Variants in VEGFC observed in about 807,000 individuals in gnomAD.
The protein encoded by VEGFC is vascular endothelial growth factor C.
In VEGFC, 12 loss-of-function variants were observed where a neutral mutation model predicts 46.1. The observed-to-expected ratio is 0.26, with a 90% confidence interval of 0.17 to 0.42. The LOEUF (loss-of-function observed/expected upper bound fraction) is 0.42. Ranked by LOEUF, VEGFC falls within the 10% of genes least tolerant of loss-of-function variation. VEGFC has a pLI of 1.00. For missense variants in VEGFC, 488 were observed against 529.4 expected (o/e 0.92, Z 0.77); for synonymous variants, 232 against 195.5 (o/e 1.19, Z -1.56).
chr4:176,707,509 C>T (rs542464764), intron 4 of VEGFC, among the ~76,000 whole-genome samples: 2 of 151,908 alleles, frequency 1.3e-5, no homozygotes, highest in African/African-American at 4.8e-5. Context: ...CAAAGAAAAA[C>T]AGAATAGAAA....
In VEGFC at chr4:176,683,687, G is replaced by C; in HGVS notation, c.*239C>G. ...TAAATTATATAGTCATTCTTTTAAA[G>C]AAATCACAAGAGGAAAATCTTGGCT... On this transcript the variant is annotated 3_prime_UTR_variant, in exon 7 of 7. Coordinates refer to ENST00000618562, the MANE Select transcript of VEGFC (RefSeq NM_005429.5). 1 of 336,862 alleles carries C rather than the reference G, an allele frequency of 3.0e-6. No individual in the cohort carries two copies. Among genetic ancestry groups the C allele is most frequent in the Non-Finnish European group, 5.3e-6 (1 of 187,044 alleles). The allele number at this position is 336,862 out of a possible 1,614,324, so 20.9% of individuals were successfully genotyped here.
chr4:176,711,506 G>A lies in VEGFC; in HGVS notation c.697C>T (p.Leu233=), dbSNP rs772765057. Residue 233 remains leucine (L), a synonymous_variant, in exon 4 of 7, where the codon CTA becomes TTA. Coordinates refer to ENST00000618562, the MANE Select transcript of VEGFC (RefSeq NM_005429.5). ...GATTTAATTCATACTCACTGTGGTAGTGTTGCTGGCAGGGAACGTCTAATA... is the reference window on the plus strand; with the variant it reads ...GATTTAATTCATACTCACTGTGGTAATGTTGCTGGCAGGGAACGTCTAATA... ...SIIRRSLPAT[L]PQCQAANKTC... 5.6e-6 allele frequency: 9 copies of A among 1,612,326 alleles called. No homozygotes were observed. Among genetic ancestry groups the A allele is most frequent in the Non-Finnish European group, 7.6e-6 (9 of 1,179,138 alleles).
At chr4:176,691,957 C>T (rs1245723378) in intron 4 of VEGFC, among the ~76,000 whole-genome samples, 4 of 152,106 alleles carry the variant, frequency 2.6e-5, no homozygotes, top group South Asian at 2.1e-4. Flanking sequence ...GTGCGCGAGC[C>T]GAAGCAGGGC....
Position 176,777,918 on chromosome 4 carries a change from C to CAAAAAA in VEGFC, c.147+14241_147+14246dup, listed in dbSNP as rs773634012. Reference sequence around the variant, plus strand: ...TGGGCGACAGAGCAAGACTTTGTCTCAAAAAAAAAAAAAAAAAAAAAAAAA... The same window carrying CAAAAAA: ...TGGGCGACAGAGCAAGACTTTGTCTCAAAAAAAAAAAAAAAAAAAAAAAAAAAAAAA... On this transcript the variant is annotated intron_variant, in intron 1 of 6. Coordinates refer to ENST00000618562, the MANE Select transcript of VEGFC (RefSeq NM_005429.5). 1.3e-3 allele frequency among the ~76,000 whole-genome samples: 74 copies of CAAAAAA among 57,170 alleles called. 2 individuals are homozygous for CAAAAAA. The highest frequency in any genetic ancestry group is 4.2e-3 in the African/African-American group (67 of 15,772). The allele number at this position is 57,170 out of a possible 152,430, so 37.5% of individuals were successfully genotyped here. A position where few individuals can be genotyped will look rare whatever the true frequency, so the allele number is the denominator to read the frequency against.
chr4:176,746,977 T>C (rs1302998626), intron 1 of VEGFC, among the ~76,000 whole-genome samples: 1 of 152,144 alleles, frequency 6.6e-6, no homozygotes, highest in Non-Finnish European at 1.5e-5. Flanking sequence ...TTTAAGAATA[T>C]GCAGATAGGG....
intron 1 of VEGFC, among the ~76,000 whole-genome samples, chr4:176,746,263 G>A (rs534233222): frequency 6.0e-4 from 91 of 152,142 alleles, no homozygotes; most frequent in African/African-American, 2.1e-3. Flanking sequence ...TCCAGGGGTA[G>A]AGAAAATTAA....
chr4:176,745,556 T>C (rs1735246729), intron 1 of VEGFC, among the ~76,000 whole-genome samples: 1 of 152,022 alleles, frequency 6.6e-6, no homozygotes, highest in African/African-American at 2.4e-5. Context: ...CTACCAACAA[T>C]TCATGGGAAA....
At chr4:176,762,415 C>A (rs904572619) in intron 1 of VEGFC, among the ~76,000 whole-genome samples, 1 of 152,188 alleles carries the variant, frequency 6.6e-6, no homozygotes, top group Non-Finnish European at 1.5e-5. Flanking sequence ...CCAGAGGACG[C>A]AGCCTTCAAA....
rs768183868 is a variant in VEGFC at position 176,687,868 on chromosome 4, C to T, written c.764G>A (p.Arg255Lys). Reference sequence around the variant, plus strand: ...CATAAAATCTTCCTGAGCCAGGCATCTGCAGATGTGATTATTCCACATGTA... The same window carrying T: ...CATAAAATCTTCCTGAGCCAGGCATTTGCAGATGTGATTATTCCACATGTA... ...TNYMWNNHIC[R>K]CLAQEDFMFS... Residue 255 changes from arginine (R) to lysine (K), a missense_variant, in exon 5 of 7, where the codon AGA becomes AAA. Arg to Lys is a conservative substitution (Grantham distance 26). Coordinates refer to ENST00000618562, the MANE Select transcript of VEGFC (RefSeq NM_005429.5). The T allele has an allele frequency of 9.3e-6, 15 of 1,613,790 alleles. No homozygotes were observed. In the South Asian group the frequency reaches 1.2e-4, roughly 13 times the overall value.
intron 3 of VEGFC, among the ~76,000 whole-genome samples, chr4:176,717,810 C>T (rs181322424): frequency 2.0e-5 from 3 of 152,052 alleles, no homozygotes; most frequent in East Asian, 1.9e-4. Context: ...AAAACTACAA[C>T]GAATTTAAAG....
At chr4:176,686,990 C>T (rs1734052956) in intron 6 of VEGFC, among the ~76,000 whole-genome samples, 197 bp downstream of exon 6, 1 of 152,102 alleles carries the variant, frequency 6.6e-6, no homozygotes, top group Non-Finnish European at 1.5e-5. Context: ...ATCCTCAAGG[C>T]TCCTGTCTTG....
intron 6 of VEGFC, among the ~76,000 whole-genome samples, chr4:176,686,026 T>C (rs1371835620): frequency 6.6e-6 from 1 of 152,186 alleles, no homozygotes; most frequent in Non-Finnish European, 1.5e-5. Context: ...TACAAGCTTT[T>C]TTCTGTTAAA....
chr4:176,724,882 G>C (rs1355394262), intron 3 of VEGFC, among the ~76,000 whole-genome samples: 2 of 152,150 alleles, frequency 1.3e-5, no homozygotes, highest in Admixed American at 6.5e-5. Flanking sequence ...CATGGAAGTA[G>C]AGAGAAGAAT....
intron 1 of VEGFC, among the ~76,000 whole-genome samples, chr4:176,774,349 T>C (rs559107573): frequency 2.0e-5 from 3 of 151,312 alleles, no homozygotes; most frequent in African/African-American, 7.4e-5. Flanking sequence ...TGAGTGTTAG[T>C]TTTTAAATAA....
chr4:176,708,477 A>T (rs1479267644), intron 4 of VEGFC, among the ~76,000 whole-genome samples: 1 of 152,172 alleles, frequency 6.6e-6, no homozygotes, highest in Non-Finnish European at 1.5e-5. Context: ...TTGTTACATT[A>T]AAATTTTATG....
chr4:176,788,849 T>C (rs1736044799), intron 1 of VEGFC, among the ~76,000 whole-genome samples: 1 of 152,184 alleles, frequency 6.6e-6, no homozygotes, highest in African/African-American at 2.4e-5. Context: ...AAACATCTAT[T>C]CTTTTTCCTG....
chr4:176,774,829 C>CA (rs574057492), intron 1 of VEGFC, among the ~76,000 whole-genome samples: 294 of 130,246 alleles, frequency 2.3e-3, no homozygotes, highest in African/African-American at 1.8e-3. Context: ...AAAAAGAATG[C>CA]AAAAAAAAAA....
rs1209217872 is a variant in VEGFC at position 176,792,251 on chromosome 4, C to G, written c.61G>C (p.Gly21Arg). The G allele has an allele frequency of 6.4e-7, 1 of 1,557,112 alleles. No individual in the cohort carries two copies. The highest frequency in any genetic ancestry group is 1.4e-5 in the African/African-American group (1 of 70,436). ...GCGGCGGCGGGCGCCTCGCGAGGACCCGGGAGCAGCGCAGCGGCGAGCAGA... is the reference window on the plus strand; with the variant it reads ...GCGGCGGCGGGCGCCTCGCGAGGACGCGGGAGCAGCGCAGCGGCGAGCAGA... ...CSLLAAALLP[G>R]PREAPAAAAA... The change falls in exon 1 of 7, where the codon GGT (glycine) becomes CGT (arginine). Residue 21 changes from glycine (G) to arginine (R), a missense_variant. By Grantham distance (125) the Gly-to-Arg change is moderately radical. Transcript: ENST00000618562. This position sits in a 1 kb window ranked among gnomAD's most constrained non-coding sequence, Gnocchi z 6.3.
chr4:176,775,923 C>CAA (rs879449334), intron 1 of VEGFC, among the ~76,000 whole-genome samples: 8 of 139,012 alleles, frequency 5.8e-5, no homozygotes, highest in African/African-American at 1.8e-4. Context: ...ATAGGCTTAC[C>CAA]AAAAAAAAAA....
Sources: gnomAD v4.1 joint callset for allele counts (sites outside exome capture counted in the v4.1 genomes callset) on GRCh38, gnomAD v4.1.1 for gene constraint, Gnocchi (gnomAD v3.1) non-coding constraint, MANE v1.5 for transcripts, NCBI Gene and HGNC (gene_info 2026-07-23, HGNC 2026-07-21) for gene names.